CISD1: variants seen among roughly 807,000 people sequenced by gnomAD.
CISD1 encodes CDGSH iron sulfur domain 1.
Under a neutral mutation model 12.0 loss-of-function variants are expected in CISD1, and 8 were observed. That is an observed-to-expected ratio of 0.67 (90% confidence interval 0.39 to 1.20). The LOEUF is 1.20. Ranked by LOEUF, CISD1 falls within the 50% of genes most tolerant of loss-of-function variation. The pLI is 0.01. For missense variants in CISD1, 107 were observed against 132.7 expected (o/e 0.81, Z 0.95); for synonymous variants, 38 against 42.2 (o/e 0.90, Z 0.39).
rs1027802025 is a variant in CISD1, at chr10:58,278,695, G to A, written c.237+1373G>A. On this transcript the variant is annotated intron_variant, in intron 2 of 2. Coordinates refer to ENST00000333926, the MANE Select transcript of CISD1 (RefSeq NM_018464.5). ...CAAATAACTTGTCACAAATATGGAA[G>A]AAGCCACATACTAGGTACAGGTTGA... is the stretch of plus-strand genomic sequence containing the variant. 2.0e-5 allele frequency among the ~76,000 whole-genome samples: 3 copies of A among 152,276 alleles called. No individual in the cohort carries two copies. In the East Asian group the frequency reaches 5.8e-4, roughly 29 times the overall value.
intron 1 of CISD1, among the ~76,000 whole-genome samples, chr10:58,270,865 A>G (rs1839238262): frequency 6.6e-6 from 1 of 152,100 alleles, no homozygotes; most frequent in African/African-American, 2.4e-5. Context: ...CTTTGTTAGG[A>G]GGAGTGATTA....
At chr10:58,287,461 A>G (rs1466624509) in intron 2 of CISD1, 100 bp from the exon 3 acceptor site, 1 of 746,688 alleles carries the variant, frequency 1.3e-6, no homozygotes, top group Non-Finnish European at 2.1e-6. Context: ...ATAGCCAAGA[A>G]AATCTTTATG....
At chr10:58,269,962 C>A (rs1839225831) in intron 1 of CISD1, among the ~76,000 whole-genome samples, 1 of 152,114 alleles carries the variant, frequency 6.6e-6, no homozygotes, top group African/African-American at 2.4e-5. Context: ...CGCAGAAAGT[C>A]CCGTTATAAT....
rs1347522592 is a variant in CISD1, at chr10:58,289,127, A to G, written c.*1477A>G. 6.6e-6 allele frequency: 1 copy of G among 152,200 alleles called. No homozygotes were observed. Among genetic ancestry groups the G allele is most frequent in the Non-Finnish European group, 1.5e-5 (1 of 67,926 alleles). The allele number at this position is 152,200 out of a possible 1,614,324, so 9.4% of individuals were successfully genotyped here. ...ATCTAAAATCCTACAAACTGATTCT[A>G]TTAGATTCTTAGGGTAAATTTTTTC... On this transcript the variant is annotated 3_prime_UTR_variant, in exon 3 of 3. Transcript: ENST00000333926.
At chr10:58,277,017 G>A in intron 1 of CISD1, 100 bp from the exon 2 acceptor site, 1 of 760,246 alleles carries the variant, frequency 1.3e-6, no homozygotes, top group Non-Finnish European at 2.2e-6. Flanking sequence ...TGGACTATTA[G>A]GATGCTTAAT....
chr10:58,270,266 T>C (rs566980741), intron 1 of CISD1, among the ~76,000 whole-genome samples: 1 of 152,276 alleles, frequency 6.6e-6, no homozygotes, highest in East Asian at 1.9e-4. Context: ...AATTGGAGAG[T>C]TCCACTTCTG....
rs1005453890 is a variant in CISD1 at position 58,287,760 on chromosome 10, A to G, written c.*110A>G. On this transcript the variant is annotated 3_prime_UTR_variant, in exon 3 of 3. Transcript: ENST00000333926. ...ACCTTCGCTGGATTCTAAATGTGGT[A>G]TATTGCAAACTGCAGCTTTCACATT... The G allele has an allele frequency of 9.1e-5, 51 of 559,034 alleles. No homozygotes were observed. The highest frequency in any genetic ancestry group is 9.8e-5 in the Admixed American group (3 of 30,514). The allele number at this position is 559,034 out of a possible 1,614,324, so 34.6% of individuals were successfully genotyped here. A position where few individuals can be genotyped will look rare whatever the true frequency, so the allele number is the denominator to read the frequency against.
At chr10:58,271,758 T>TA (rs11435070) in intron 1 of CISD1, among the ~76,000 whole-genome samples, 51,184 of 151,464 alleles carry the variant, frequency 0.34, 10,849 homozygotes, top group African/African-American at 0.61. Flanking sequence ...AGGTAGTTTA[T>TA]AAAAAAAAAT....
At chr10:58,285,707 A>C (rs1164312472) in intron 2 of CISD1, among the ~76,000 whole-genome samples, 1 of 152,214 alleles carries the variant, frequency 6.6e-6, no homozygotes, top group Non-Finnish European at 1.5e-5. Context: ...TTTTCATTTT[A>C]CAATAGAGGA....
Position 58,287,732 on chromosome 10 carries a change from T to G in CISD1, c.*82T>G. On this transcript the variant is annotated 3_prime_UTR_variant, in exon 3 of 3. Coordinates refer to ENST00000333926, the MANE Select transcript of CISD1 (RefSeq NM_018464.5). Reference sequence around the variant, plus strand: ...TAGAATGACTACCACCTCTGTCTGATTCACCTTCGCTGGATTCTAAATGTG... The same window carrying G: ...TAGAATGACTACCACCTCTGTCTGAGTCACCTTCGCTGGATTCTAAATGTG... 1 of 816,676 alleles carries G rather than the reference T, an allele frequency of 1.2e-6. No individual in the cohort carries two copies. The highest frequency in any genetic ancestry group is 1.7e-5 in the African/African-American group (1 of 58,364). 50.6% of individuals were successfully genotyped at this position (816,676 alleles called of 1,614,324 possible).
intron 2 of CISD1, among the ~76,000 whole-genome samples, chr10:58,286,963 T>C (rs1839435816): frequency 6.6e-6 from 1 of 152,190 alleles, no homozygotes; most frequent in Admixed American, 6.5e-5. Context: ...TATTTTTATG[T>C]TTTTTGAGAC....
intron 1 of CISD1, among the ~76,000 whole-genome samples, chr10:58,269,602 G>A (rs1037942277): frequency 6.6e-6 from 1 of 152,250 alleles, no homozygotes; most frequent in African/African-American, 2.4e-5. Flanking sequence ...CCCCTAAGAC[G>A]CTTTCATGTC....
In CISD1 at chr10:58,269,245, A is replaced by G. The variant is rs752760288; in HGVS notation, c.-29A>G. ...CGAACCCGTTTGAGCTCGGTATCCT[A>G]GTGCACACGCCTTGCAAGCGACGGC... On this transcript the variant is annotated 5_prime_UTR_variant, in exon 1 of 3. Transcript: ENST00000333926. 7 of 1,583,792 alleles carry G rather than the reference A, an allele frequency of 4.4e-6. No individual in the cohort carries two copies. Among genetic ancestry groups the G allele is most frequent in the Middle Eastern group, 1.9e-4 (1 of 5,338 alleles).
At chr10:58,271,896 A>C (rs1171690199) in intron 1 of CISD1, among the ~76,000 whole-genome samples, 1 of 152,176 alleles carries the variant, frequency 6.6e-6, no homozygotes, top group African/African-American at 2.4e-5. Flanking sequence ...TAAGACCATT[A>C]GTTTATTATA....
intron 1 of CISD1, 107 bp downstream of exon 1, chr10:58,269,411 T>C (rs1839214439): frequency 2.9e-6 from 3 of 1,040,722 alleles, no homozygotes; most frequent in Non-Finnish European, 4.3e-6. Flanking sequence ...GCCGGTCCTA[T>C]AACCTTGAGA....
chr10:58,279,729 C>CTA (rs1192965981), intron 2 of CISD1, among the ~76,000 whole-genome samples: 1 of 152,142 alleles, frequency 6.6e-6, no homozygotes, highest in African/African-American at 2.4e-5. Context: ...TTACTATCTA[C>CTA]TATATATGCA....
At position 58,287,334 on chromosome 10, in the gene CISD1, C is replaced by G. The variant is rs182597899; in HGVS notation, c.238-227C>G. On this transcript the variant is annotated intron_variant, in intron 2 of 2. Transcript: ENST00000333926. ...AAACATAAGAAAGGCCTTCAACACT[C>G]ATCACAATCACACTGAAATTCAATA... 6.1e-5 allele frequency among the ~76,000 whole-genome samples: 9 copies of G among 148,048 alleles called. No individual in the cohort carries two copies. The East Asian group carries it at 1.7e-3, about 29-fold the overall frequency.
intron 2 of CISD1, among the ~76,000 whole-genome samples, chr10:58,286,639 T>C (rs1352452531): frequency 6.6e-6 from 1 of 152,200 alleles, no homozygotes; most frequent in Non-Finnish European, 1.5e-5. Context: ...TCTTGCAGGA[T>C]TCAGGTTCTT....
At chr10:58,279,442 A>G (rs568277007) in intron 2 of CISD1, among the ~76,000 whole-genome samples, 1 of 152,304 alleles carries the variant, frequency 6.6e-6, no homozygotes, top group Non-Finnish European at 1.5e-5. Context: ...TACTCAACCC[A>G]TACTAGAAAG....
Sources: gnomAD v4.1 joint callset for allele counts (sites outside exome capture counted in the v4.1 genomes callset) on GRCh38, gnomAD v4.1.1 for gene constraint, MANE v1.5 for transcripts, NCBI Gene and HGNC (gene_info 2026-07-23, HGNC 2026-07-21) for gene names.